CREB3L2: variants seen among roughly 807,000 people sequenced by gnomAD.
The protein encoded by CREB3L2 is cyclic AMP-responsive element-binding protein 3-like protein 2.
CREB3L2 carries 23 observed loss-of-function variants against 57.2 expected under a neutral mutation model. The observed-to-expected ratio is 0.40, with a 90% CI of 0.29 to 0.57. The LOEUF is 0.57. CREB3L2 is among the 20% of genes least tolerant of loss of function. The pLI, the probability that CREB3L2 is intolerant of heterozygous loss-of-function variation, is 0.42. For synonymous variants in CREB3L2, 268 were observed against 265.1 expected, an observed-to-expected ratio of 1.01 and a Z score of -0.11; for missense variants, 628 against 634.7, an observed-to-expected ratio of 0.99 and a Z score of 0.11.
chr7:137,998,701 T>C (rs1034703573), intron 1 of CREB3L2, among the ~76,000 whole-genome samples: 1 of 152,236 alleles, frequency 6.6e-6, no homozygotes, highest in African/African-American at 2.4e-5. Context: ...TTAAATGGCA[T>C]AATATTTGTA....
Position 137,882,474 on chromosome 7 carries a change from AT to A in CREB3L2, c.1424del (p.His475LeufsTer33), listed in dbSNP as rs748717116. The A allele has an allele frequency of 2.5e-5, 40 of 1,613,868 alleles. 1 individual carries two copies. The South Asian group carries it at 4.3e-4, about 17-fold the overall frequency. ...GGCTGGTCTCATTCGAGATAATGAA[AT>A]GGGGAAGATCCACATCCGGCCTGGA... ...LESRPDVDLP[H>X]FIISNETSLE... On this transcript the variant is annotated frameshift_variant, in exon 11 of 12. Coordinates refer to ENST00000330387, the MANE Select transcript of CREB3L2 (RefSeq NM_194071.4). LOFTEE classifies it high-confidence loss of function.
At chr7:137,927,297 G>GAAGT (rs1800490495) in intron 2 of CREB3L2, among the ~76,000 whole-genome samples, 5 of 148,770 alleles carry the variant, frequency 3.4e-5, no homozygotes, top group African/African-American at 1.2e-4. Flanking sequence ...AGGAAGGAAG[G>GAAGT]GTGGGAGGGG....
At chr7:137,968,118 A>C (rs1405908884) in intron 1 of CREB3L2, among the ~76,000 whole-genome samples, 4 of 151,900 alleles carry the variant, frequency 2.6e-5, no homozygotes, top group African/African-American at 7.3e-5. Flanking sequence ...TTTCCAATAC[A>C]ACACAGCGTC....
chr7:137,927,851 C>G (rs1800510303), intron 2 of CREB3L2, among the ~76,000 whole-genome samples: 1 of 151,524 alleles, frequency 6.6e-6, no homozygotes, highest in Middle Eastern at 3.2e-3. Flanking sequence ...TAGGAATGAC[C>G]AGCCAGATAG....
chr7:137,998,216 C>T (rs1219258807), intron 1 of CREB3L2, among the ~76,000 whole-genome samples: 3 of 152,160 alleles, frequency 2.0e-5, no homozygotes, highest in African/African-American at 7.2e-5. Context: ...TTGCTCCTAA[C>T]GGTTAACAGA....
rs191691066 is a variant in CREB3L2, at chr7:138,000,814, T to C, written c.102+790A>G. ...ATTTTGCAAACTTAATACCAAAAAC[T>C]TGACATTAAAAACTTTAAAAGAAAT... On this transcript the variant is annotated intron_variant, in intron 1 of 11. Transcript: ENST00000330387. 2.5e-3 allele frequency among the ~76,000 whole-genome samples: 385 copies of C among 152,208 alleles called. 1 individual carries two copies. The highest frequency in any genetic ancestry group is 8.8e-3 in the African/African-American group (367 of 41,500).
chr7:137,884,406 C>T (rs1402769318), intron 10 of CREB3L2: 1 of 155,622 alleles, frequency 6.4e-6, no homozygotes, highest in African/African-American at 2.4e-5. Flanking sequence ...GCCACCACGC[C>T]CGGCTAATTT....
intron 1 of CREB3L2, among the ~76,000 whole-genome samples, chr7:137,938,551 G>A: frequency 6.6e-6 from 1 of 151,908 alleles, no homozygotes; most frequent in East Asian, 1.9e-4. Context: ...TCACCATGTT[G>A]GTCAGGCTGG....
intron 4 of CREB3L2, among the ~76,000 whole-genome samples, chr7:137,909,135 T>G (rs1458858493): frequency 3.9e-5 from 6 of 152,170 alleles, no homozygotes; most frequent in African/African-American, 1.4e-4. Context: ...AAAAGCCGGT[T>G]TGTTTCTGGA....
intron 4 of CREB3L2, among the ~76,000 whole-genome samples, chr7:137,909,223 C>T (rs924223768): frequency 1.3e-4 from 20 of 152,184 alleles, no homozygotes; most frequent in South Asian, 1.0e-3. Context: ...TCTTCAGATA[C>T]GGGAGTGAGC....
intron 1 of CREB3L2, among the ~76,000 whole-genome samples, chr7:137,947,569 T>C (rs2117267087): frequency 6.6e-6 from 1 of 152,178 alleles, no homozygotes; most frequent in East Asian, 1.9e-4. Flanking sequence ...CTTGGCTCAC[T>C]CCTTTAGAAA....
At chr7:137,964,660 G>C (rs571859175) in intron 1 of CREB3L2, among the ~76,000 whole-genome samples, 8 of 152,122 alleles carry the variant, frequency 5.3e-5, no homozygotes, top group African/African-American at 1.9e-4. Context: ...GAAAACAAAC[G>C]GACTGCTTTC....
At chr7:137,953,533 G>A in intron 1 of CREB3L2, 1 of 1,288,968 alleles carries the variant, frequency 7.8e-7, no homozygotes, top group Non-Finnish European at 1.0e-6. Context: ...AGGTATGCGG[G>A]TTTGCAGAGG....
chr7:137,985,064 C>T (rs1801769536), intron 1 of CREB3L2, among the ~76,000 whole-genome samples: 2 of 152,202 alleles, frequency 1.3e-5, no homozygotes. Context: ...AACTTAACTT[C>T]CAAGAGACAT....
At chr7:137,987,316 A>C (rs1394380586) in intron 1 of CREB3L2, among the ~76,000 whole-genome samples, 1 of 152,168 alleles carries the variant, frequency 6.6e-6, no homozygotes, top group Non-Finnish European at 1.5e-5. Context: ...GAAATGCCGC[A>C]CCACAGTTTG....
intron 1 of CREB3L2, among the ~76,000 whole-genome samples, chr7:137,960,202 A>C (rs1048637685): frequency 3.3e-5 from 5 of 152,210 alleles, no homozygotes; most frequent in African/African-American, 1.2e-4. Context: ...CTTGCCAAGA[A>C]CATGTGGTTT....
chr7:137,888,674 T>C (rs371537360), intron 8 of CREB3L2, among the ~76,000 whole-genome samples: 12 of 152,130 alleles, frequency 7.9e-5, no homozygotes, highest in African/African-American at 2.4e-4. Context: ...TTTCCTCTTA[T>C]TGCCAACCAC....
Position 137,880,511 on chromosome 7 carries a change from C to A in CREB3L2, c.1528G>T (p.Val510Leu). Reference sequence around the variant, plus strand: ...GTGTTCACTCTTCTGTCGAGTTCTACAACTTTTAGTGTTTCATTCCCCTCC... The same window carrying A: ...GTGTTCACTCTTCTGTCGAGTTCTAAAACTTTTAGTGTTTCATTCCCCTCC... ...KLEGNETLKV[V>L]ELDRRVNTTF Residue 510 changes from valine (V) to leucine (L), a missense_variant, in exon 12 of 12, where the codon GTA (valine) becomes TTA (leucine). Physicochemically the swap from Val to Leu is conservative, Grantham distance 32. Transcript: ENST00000330387. The surrounding 1 kb of genome is among the most constrained non-coding windows in gnomAD (Gnocchi z 4.0). The A allele has an allele frequency of 6.2e-7, 1 of 1,613,970 alleles. No homozygotes were observed. The highest frequency in any genetic ancestry group is 8.5e-7 in the Non-Finnish European group (1 of 1,179,932).
chr7:137,894,780 G>T (rs537923946), intron 8 of CREB3L2, among the ~76,000 whole-genome samples: 1 of 152,242 alleles, frequency 6.6e-6, no homozygotes, highest in Admixed American at 6.5e-5. Flanking sequence ...CCAAATCAAG[G>T]GCCCTTGTGT....
Sources: gnomAD v4.1 joint callset for allele counts (sites outside exome capture counted in the v4.1 genomes callset) on GRCh38, gnomAD v4.1.1 for gene constraint, Gnocchi (gnomAD v3.1) non-coding constraint, MANE v1.5 for transcripts, NCBI Gene and HGNC (gene_info 2026-07-23, HGNC 2026-07-21) for gene names.